The following SLC35F1 variants were observed in gnomAD, a reference collection of about 807,000 sequenced individuals.
SLC35F1 encodes the protein chromosome 6 open reading frame 169.
Under a neutral mutation model 48.7 loss-of-function variants are expected in SLC35F1, and 14 were observed. The ratio of observed to expected loss-of-function variants is 0.29; its 90% confidence interval spans 0.19 to 0.45. The LOEUF (loss-of-function observed/expected upper bound fraction) is 0.45. Among genes scored for constraint, SLC35F1 ranks in the 20% least tolerant of loss-of-function variants. The pLI is 1.00. For missense variants in SLC35F1, 404 were observed against 500.0 expected (o/e 0.81, Z 1.83); for synonymous variants, 190 against 202.2 (o/e 0.94, Z 0.51).
chr6:118,276,934 A>G (rs1436775415), intron 5 of SLC35F1, among the ~76,000 whole-genome samples: 2 of 152,126 alleles, frequency 1.3e-5, no homozygotes, highest in Non-Finnish European at 2.9e-5. Flanking sequence ...TCTAGATGAG[A>G]GGTTCTCAAA....
chr6:118,173,920 C>T (rs958619559), intron 2 of SLC35F1, among the ~76,000 whole-genome samples: 4 of 152,136 alleles, frequency 2.6e-5, no homozygotes, highest in Middle Eastern at 3.2e-3. Flanking sequence ...CAGCAATCTC[C>T]GGAACCTCAC....
intron 1 of SLC35F1, among the ~76,000 whole-genome samples, chr6:117,967,621 T>C (rs1008601388): frequency 6.6e-6 from 1 of 152,208 alleles, no homozygotes; most frequent in Non-Finnish European, 1.5e-5. Context: ...TTGCTGGCTT[T>C]TTGGCAATTT....
chr6:118,152,039 C>T (rs1194631001), intron 1 of SLC35F1, among the ~76,000 whole-genome samples: 7 of 151,990 alleles, frequency 4.6e-5, no homozygotes, highest in South Asian at 2.1e-4. Context: ...CCAGCTGAGG[C>T]GAGAGGTATA....
intron 1 of SLC35F1, among the ~76,000 whole-genome samples, chr6:118,024,256 G>A (rs1264313072): frequency 3.3e-5 from 5 of 151,992 alleles, no homozygotes; most frequent in African/African-American, 7.3e-5. Flanking sequence ...TTAACTTCCC[G>A]TCATAAGAAA....
At position 117,938,851 on chromosome 6, in the gene SLC35F1, C is replaced by T. The variant is rs958314169; in HGVS notation, c.173+30952C>T. Among the ~76,000 whole-genome samples, 6 of 151,942 alleles carry T rather than the reference C, an allele frequency of 3.9e-5. No homozygotes were observed. In the East Asian group the frequency reaches 5.8e-4, roughly 15 times the overall value. ...CTTACTGAATGCTATCCCCCTCCCC[C>T]GCCCTCAGGCCCCTGGCTTGCTGTG... On this transcript the variant is annotated intron_variant, in intron 1 of 7. Transcript: ENST00000360388.
chr6:118,058,319 C>T (rs1216091902), intron 1 of SLC35F1, among the ~76,000 whole-genome samples: 3 of 152,104 alleles, frequency 2.0e-5, no homozygotes, highest in African/African-American at 7.2e-5. Context: ...ACTAGGAACC[C>T]AAGGAACTGG....
intron 1 of SLC35F1, among the ~76,000 whole-genome samples, chr6:118,119,543 C>T (rs985693180): frequency 4.8e-5 from 6 of 124,090 alleles, no homozygotes; most frequent in African/African-American, 1.5e-4. Context: ...TCACTCTTGT[C>T]GCCCAGGCTG....
At chr6:118,072,804 A>G (rs1772758148) in intron 1 of SLC35F1, among the ~76,000 whole-genome samples, 1 of 152,156 alleles carries the variant, frequency 6.6e-6, no homozygotes, top group South Asian at 2.1e-4. Flanking sequence ...TCACTGATTC[A>G]TTGAAAACAC....
At chr6:118,089,672 CA>C (rs1773044296) in intron 1 of SLC35F1, among the ~76,000 whole-genome samples, 2 of 152,178 alleles carry the variant, frequency 1.3e-5, no homozygotes, top group African/African-American at 4.8e-5. Flanking sequence ...AGTACTGGCT[CA>C]AAGACAGACC....
chr6:118,039,802 T>TTTTTG (rs1772186352), intron 1 of SLC35F1, among the ~76,000 whole-genome samples: 1 of 145,734 alleles, frequency 6.9e-6, no homozygotes, highest in Non-Finnish European at 1.5e-5. Flanking sequence ...CAGGATTGTT[T>TTTTTG]TTTTTGTTTT....
chr6:117,994,111 G>T (rs2114860228), intron 1 of SLC35F1, among the ~76,000 whole-genome samples: 1 of 152,134 alleles, frequency 6.6e-6, no homozygotes, highest in East Asian at 1.9e-4. Flanking sequence ...AGTTCCCTGT[G>T]GTTGTAGGAC....
At chr6:117,923,729 A>G (rs755071954) in intron 1 of SLC35F1, among the ~76,000 whole-genome samples, 2,203 of 89,662 alleles carry the variant, frequency 0.025, 441 homozygotes, top group African/African-American at 0.038. Flanking sequence ...ATATATACAT[A>G]TGTATATATA....
intron 1 of SLC35F1, among the ~76,000 whole-genome samples, chr6:117,911,222 TTC>T (rs1775757916): frequency 6.6e-6 from 1 of 152,212 alleles, no homozygotes; most frequent in African/African-American, 2.4e-5. Flanking sequence ...ATCACATTTT[TTC>T]CCCTGGTATA....
chr6:118,103,497 AT>A (rs1262258068), intron 1 of SLC35F1, among the ~76,000 whole-genome samples: 2 of 152,186 alleles, frequency 1.3e-5, no homozygotes, highest in Non-Finnish European at 2.9e-5. Context: ...CTCCCACTGG[AT>A]GTGCCCACCT....
At chr6:118,046,424 T>C (rs1772303140) in intron 1 of SLC35F1, among the ~76,000 whole-genome samples, 1 of 152,166 alleles carries the variant, frequency 6.6e-6, no homozygotes, top group Non-Finnish European at 1.5e-5. Context: ...AATGTGAGAT[T>C]CATAATGTTG....
chr6:118,266,367 A>G (rs1775773610), intron 3 of SLC35F1, among the ~76,000 whole-genome samples: 1 of 152,124 alleles, frequency 6.6e-6, no homozygotes, highest in Non-Finnish European at 1.5e-5. Context: ...CTTTCTTTAA[A>G]AAATTTTTTT....
chr6:117,986,937 A>G (rs1320161773), intron 1 of SLC35F1, among the ~76,000 whole-genome samples: 1 of 152,184 alleles, frequency 6.6e-6, no homozygotes, highest in Non-Finnish European at 1.5e-5. Context: ...ACAGACAGGT[A>G]AGGCACTGAC....
chr6:118,227,843 G>T (rs146359483), intron 2 of SLC35F1, among the ~76,000 whole-genome samples: 31 of 152,302 alleles, frequency 2.0e-4, no homozygotes, highest in African/African-American at 6.7e-4. Context: ...GGATGAGTAG[G>T]AGCTTTAATG....
chr6:117,978,046 A>G (rs1776727119), intron 1 of SLC35F1, among the ~76,000 whole-genome samples: 1 of 152,196 alleles, frequency 6.6e-6, no homozygotes, highest in Non-Finnish European at 1.5e-5. Flanking sequence ...TTTCTGATAA[A>G]CTAATACAAG....
Sources: allele counts gnomAD v4.1 joint callset (sites outside exome capture counted in the v4.1 genomes callset), GRCh38; gene constraint gnomAD v4.1.1; transcripts MANE v1.5; gene names NCBI Gene and HGNC (gene_info 2026-07-23, HGNC 2026-07-21).